LSAMP: variants seen among roughly 807,000 people sequenced by gnomAD.
LSAMP encodes limbic system associated membrane protein.
In LSAMP, 7 loss-of-function variants were observed where a neutral mutation model predicts 38.6. The ratio of observed to expected loss-of-function variants is 0.18; its 90% CI spans 0.10 to 0.34. LSAMP has a LOEUF of 0.34. LSAMP is among the 10% of genes least tolerant of loss of function. The pLI, the probability that LSAMP is intolerant of heterozygous loss-of-function variation, is 1.00. For synonymous variants in LSAMP, 154 were observed against 166.8 expected, an observed-to-expected ratio of 0.92 and a Z score of 0.59; for missense variants, 313 against 420.0, an observed-to-expected ratio of 0.75 and a Z score of 2.23.
intron 2 of LSAMP, among the ~76,000 whole-genome samples, chr3:116,045,295 T>C (rs950440525): frequency 3.9e-5 from 6 of 152,198 alleles, no homozygotes; most frequent in Admixed American, 3.9e-4. Flanking sequence ...TAATTTTTAT[T>C]ATGAGCATTG....
rs72643479 is a variant in LSAMP, at chr3:116,076,359, A to G, written c.388+9965T>C. Among the ~76,000 whole-genome samples the G allele has an allele frequency of 6.7e-3, 1,012 of 151,932 alleles. 12 individuals are homozygous for G. Among genetic ancestry groups the G allele is most frequent in the East Asian group, 0.063 (325 of 5,144 alleles). ...TGCAACCTCCACCTCCCGGGTTCAC[A>G]CCATTCTCCTGCCTCAGCCTCCCGA... On this transcript the variant is annotated intron_variant, in intron 2 of 6. Coordinates refer to ENST00000490035, the MANE Select transcript of LSAMP (RefSeq NM_002338.5).
intron 1 of LSAMP, among the ~76,000 whole-genome samples, chr3:116,204,177 T>C (rs1242085721): frequency 6.6e-6 from 1 of 152,030 alleles, no homozygotes; most frequent in Admixed American, 6.6e-5. Flanking sequence ...TTTCATGTGT[T>C]TTTTGGCTGC....
Position 115,803,543 on chromosome 3 carries a change from CA to C in LSAMP, c.*6773del, listed in dbSNP as rs1933564765. The C allele has an allele frequency of 6.6e-6, 1 of 152,212 alleles. No individual in the cohort carries two copies. The highest frequency in any genetic ancestry group is 6.5e-5 in the Admixed American group (1 of 15,284). 9.4% of individuals were successfully genotyped at this position (152,212 alleles called of 1,614,324 possible). ...CTTTTCTCAGAGAACCTAACTTTCA[CA>C]TTTGATTTTGGCCTTCACAACAATT... On this transcript the variant is annotated 3_prime_UTR_variant, in exon 7 of 7. Transcript: ENST00000490035.
At chr3:115,879,883 A>C (rs1320932049) in intron 3 of LSAMP, among the ~76,000 whole-genome samples, 4 of 152,170 alleles carry the variant, frequency 2.6e-5, no homozygotes, top group African/African-American at 9.6e-5. Context: ...CCTATATCAC[A>C]GATCAAAACC....
intron 1 of LSAMP, among the ~76,000 whole-genome samples, chr3:116,229,501 C>G (rs1015971450): frequency 6.6e-6 from 1 of 152,126 alleles, no homozygotes; most frequent in Non-Finnish European, 1.5e-5. Context: ...ACTGGAAACA[C>G]AGTTTTCCCA....
intron 1 of LSAMP, among the ~76,000 whole-genome samples, chr3:116,232,697 TTC>T (rs1180525906): frequency 2.1e-5 from 2 of 97,096 alleles, no homozygotes; most frequent in African/African-American, 9.8e-5. Context: ...CTTTCTTTCT[TTC>T]TTTTTTTTTT....
intron 1 of LSAMP, among the ~76,000 whole-genome samples, chr3:116,235,933 C>A (rs2046461257): frequency 6.6e-6 from 1 of 152,292 alleles, no homozygotes; most frequent in South Asian, 2.1e-4. Flanking sequence ...AAACACTAGT[C>A]TTTCACATGT....
At chr3:116,007,133 CA>C (rs1940183544) in intron 3 of LSAMP, among the ~76,000 whole-genome samples, 1 of 151,986 alleles carries the variant, frequency 6.6e-6, no homozygotes. Context: ...TTCCCATCAT[CA>C]GATTTTAACA....
chr3:115,866,701 A>G (rs1935870593), intron 3 of LSAMP, among the ~76,000 whole-genome samples: 1 of 152,138 alleles, frequency 6.6e-6, no homozygotes, highest in African/African-American at 2.4e-5. Context: ...TTGCAAAGTT[A>G]CATTCAAATG....
intron 1 of LSAMP, among the ~76,000 whole-genome samples, chr3:116,157,535 A>G (rs1382101272): frequency 6.6e-6 from 1 of 152,128 alleles, no homozygotes; most frequent in Non-Finnish European, 1.5e-5. Flanking sequence ...ACATGGCAAA[A>G]ATATATTTCA....
intron 6 of LSAMP, among the ~76,000 whole-genome samples, chr3:115,826,137 CAG>C (rs1934401057): frequency 2.3e-5 from 3 of 128,054 alleles, no homozygotes; most frequent in South Asian, 2.3e-4. Context: ...TTATTTGAGA[CAG>C]AGTCTCGATC....
chr3:116,292,717 C>T (rs1228671370), intron 1 of LSAMP, among the ~76,000 whole-genome samples: 3 of 152,184 alleles, frequency 2.0e-5, no homozygotes, highest in African/African-American at 4.8e-5. Flanking sequence ...AAAATGACTT[C>T]ACAAATGATT....
At chr3:116,183,347 T>G (rs1248021630) in intron 1 of LSAMP, among the ~76,000 whole-genome samples, 1 of 151,874 alleles carries the variant, frequency 6.6e-6, no homozygotes, top group Non-Finnish European at 1.5e-5. Flanking sequence ...CAGCATAAAG[T>G]GTTGAAAGAT....
chr3:116,209,501 C>G (rs182289810), intron 1 of LSAMP, among the ~76,000 whole-genome samples: 1 of 152,212 alleles, frequency 6.6e-6, no homozygotes, highest in African/African-American at 2.4e-5. Context: ...GTTTTCCAGT[C>G]TTTTTGAATA....
chr3:116,041,176 G>A (rs996683053), intron 2 of LSAMP, among the ~76,000 whole-genome samples: 12 of 151,960 alleles, frequency 7.9e-5, no homozygotes, highest in Non-Finnish European at 1.5e-4. Context: ...TTCCTGCTTC[G>A]GCCTCCCAAA....
intron 3 of LSAMP, among the ~76,000 whole-genome samples, chr3:115,928,061 T>A (rs1237994769): frequency 6.6e-6 from 1 of 152,184 alleles, no homozygotes; most frequent in African/African-American, 2.4e-5. Context: ...GCAATCCCCA[T>A]GCACAGAAAA....
At chr3:115,943,857 C>G (rs1203088216) in intron 3 of LSAMP, among the ~76,000 whole-genome samples, 1 of 152,156 alleles carries the variant, frequency 6.6e-6, no homozygotes, top group Non-Finnish European at 1.5e-5. Flanking sequence ...CTCAAACAAG[C>G]CTTTGGGGAA....
intron 2 of LSAMP, among the ~76,000 whole-genome samples, chr3:116,080,368 TC>T (rs1213380873): frequency 1.3e-4 from 20 of 152,336 alleles, no homozygotes; most frequent in African/African-American, 4.6e-4. Context: ...TCCCTTATTT[TC>T]TCTCCTTTGA....
chr3:116,094,394 G>A (rs1454043968), intron 1 of LSAMP, among the ~76,000 whole-genome samples: 2 of 152,186 alleles, frequency 1.3e-5, no homozygotes, highest in African/African-American at 2.4e-5. Context: ...GTGCATGTCT[G>A]TTCTCCTCAT....
Sources: gnomAD v4.1 joint callset for allele counts (sites outside exome capture counted in the v4.1 genomes callset) on GRCh38, gnomAD v4.1.1 for gene constraint, MANE v1.5 for transcripts, NCBI Gene and HGNC (gene_info 2026-07-23, HGNC 2026-07-21) for gene names.